The following PSG5 variants were observed in gnomAD, a reference collection of about 807,000 sequenced individuals.
The protein encoded by PSG5 is pregnancy specific beta-1-glycoprotein 5, also known as pregnancy-specific beta-1-glycoprotein 5.
PSG5 carries 53 observed loss-of-function variants against 37.7 expected under a neutral mutation model. That is an observed-to-expected ratio of 1.41 (90% confidence interval 1.13 to 1.77). The LOEUF (loss-of-function observed/expected upper bound fraction) is 1.77. PSG5 is among the 40% of genes most tolerant of loss of function. The pLI, the probability that PSG5 is intolerant of heterozygous loss-of-function variation, is 0.00. For missense variants in PSG5, 547 were observed against 405.2 expected, an observed-to-expected ratio of 1.35 and a Z score of -3.00; for synonymous variants, 221 against 155.4, an observed-to-expected ratio of 1.42 and a Z score of -3.14.
chr19:43,179,075 A>T (rs752002777), intron 2 of PSG5: 7 of 1,612,000 alleles, frequency 4.3e-6, no homozygotes, highest in Non-Finnish European at 5.9e-6. Flanking sequence ...CTGAAGCCGC[A>T]GGATCACAGG....
At chr19:43,173,117 A>G (rs1193328555) in intron 4 of PSG5, among the ~76,000 whole-genome samples, 1 of 151,706 alleles carries the variant, frequency 6.6e-6, no homozygotes, top group African/African-American at 2.4e-5. Context: ...AGATCATTCA[A>G]TGGGGAACGG....
At position 43,175,916 on chromosome 19, in the gene PSG5, G is replaced by C; in HGVS notation, c.663C>G (p.Asp221Glu). 6.2e-7 allele frequency: 1 copy of C among 1,612,442 alleles called. No homozygotes were observed. The highest frequency in any genetic ancestry group is 8.5e-7 in the Non-Finnish European group (1 of 1,179,168). The change falls in exon 3 of 6, where the codon GAC becomes GAG. Residue 221 changes from aspartate (D) to glutamate (E), a missense_variant. Physicochemically the swap from Asp to Glu is conservative, Grantham distance 45. Coordinates refer to ENST00000342951, the MANE Select transcript of PSG5 (RefSeq NM_002781.4). The stretch of plus-strand genomic sequence containing the variant: ...GGTCACTGCGCATGCCACCATCTCG[G>C]TCCCGTATTTCACATTCATAGGGTC... ...ETGPYECEIR[D>E]RDGGMRSDPV...
In PSG5 at chr19:43,178,914, G is replaced by C. The variant is rs766337197; in HGVS notation, c.431-2766C>G. The C allele has an allele frequency of 3.1e-6, 5 of 1,612,882 alleles. No homozygotes were observed. In the South Asian group the frequency reaches 5.5e-5, roughly 18 times the overall value. ...CAGGGTGACTGGGTCACTGTGGCTG[G>C]CACTCACTGGGTTCCGTATTTCACA... On this transcript the variant is annotated intron_variant, in intron 2 of 5. Transcript: ENST00000342951.
chr19:43,172,568 G>A (rs1968927907), intron 4 of PSG5, among the ~76,000 whole-genome samples: 2 of 151,582 alleles, frequency 1.3e-5, no homozygotes, highest in African/African-American at 4.9e-5. Flanking sequence ...AACATCAGTT[G>A]TATTTCAATA....
intron 2 of PSG5, among the ~76,000 whole-genome samples, chr19:43,182,439 T>C (rs550433334): frequency 6.6e-6 from 1 of 151,686 alleles, no homozygotes; most frequent in African/African-American, 2.4e-5. Flanking sequence ...TTCATACCTA[T>C]GACTAATGGC....
rs529432097 is a variant in PSG5, at chr19:43,174,849, G to T, written c.964+366C>A. 190 of 1,165,350 alleles carry T rather than the reference G, an allele frequency of 1.6e-4. 1 individual carries two copies. Among genetic ancestry groups the T allele is most frequent in the Non-Finnish European group, 2.0e-4 (179 of 877,970 alleles). 72.2% of individuals were successfully genotyped at this position (1,165,350 alleles called of 1,614,324 possible). Reference sequence around the variant, plus strand: ...CCTCAGATGTTCCTTGTAGCTCATGGAATAGGTACAAGGAAACAAAGACAT... The same window carrying T: ...CCTCAGATGTTCCTTGTAGCTCATGTAATAGGTACAAGGAAACAAAGACAT... On this transcript the variant is annotated intron_variant, in intron 4 of 5. Coordinates refer to ENST00000342951, the MANE Select transcript of PSG5 (RefSeq NM_002781.4).
chr19:43,169,781 T>C (rs1012619986), intron 5 of PSG5, among the ~76,000 whole-genome samples: 6 of 151,518 alleles, frequency 4.0e-5, no homozygotes, highest in South Asian at 4.1e-4. Context: ...TTAAAAATAA[T>C]GAAGAGGGTT....
rs1486900886 is a variant in PSG5, at chr19:43,175,982, G to A, written c.597C>T (p.Asn199=). Residue 199 remains asparagine (N), a synonymous_variant, in exon 3 of 6, where the codon AAC becomes AAT. Transcript: ENST00000342951. ...TGACACTGGGTAGAATGAGGATCCT[G>A]TTTTCAATGGGTCGCTTTACCCTGG... The part of the protein sequence containing the change: ...VSPRVKRPIE[N]RILILPSVTR... The A allele has an allele frequency of 1.2e-6, 2 of 1,611,790 alleles. No individual in the cohort carries two copies. The highest frequency in any genetic ancestry group is 1.1e-5 in the South Asian group (1 of 91,018).
At chr19:43,174,571 C>T in intron 4 of PSG5, 3 of 934,656 alleles carry the variant, frequency 3.2e-6, no homozygotes, top group Non-Finnish European at 3.8e-6. Context: ...CCTGAGGCTC[C>T]CTCTCTTCTT....
chr19:43,168,980 T>C (rs1968846346), intron 5 of PSG5, among the ~76,000 whole-genome samples: 1 of 151,654 alleles, frequency 6.6e-6, no homozygotes, highest in Admixed American at 6.6e-5. Context: ...CCTTGTTACA[T>C]GTTAGTAGTG....
intron 2 of PSG5, among the ~76,000 whole-genome samples, chr19:43,182,762 T>A (rs1448201587): frequency 7.2e-6 from 1 of 139,764 alleles, no homozygotes; most frequent in Admixed American, 7.4e-5. Flanking sequence ...CAATTATGAA[T>A]GGATGGAGGA....
At chr19:43,175,716 C>G in intron 3 of PSG5, 154 bp downstream of exon 3, 2 of 1,466,414 alleles carry the variant, frequency 1.4e-6, no homozygotes, top group Non-Finnish European at 9.2e-7. Flanking sequence ...GCTGTGCCTA[C>G]CTAGGTTTTC....
chr19:43,169,287 G>T (rs1269023552), intron 5 of PSG5, among the ~76,000 whole-genome samples: 4 of 151,586 alleles, frequency 2.6e-5, no homozygotes, highest in South Asian at 4.1e-4. Flanking sequence ...ATCAGGAAAA[G>T]ATCTCAACCA....
rs183115029 is a variant in PSG5 at position 43,179,117 on chromosome 19, G to A, written c.431-2969C>T. 8.3e-5 allele frequency: 134 copies of A among 1,604,998 alleles called. 2 individuals carry two copies. The highest frequency in any genetic ancestry group is 5.8e-4 in the African/African-American group (43 of 74,384). On this transcript the variant is annotated intron_variant, in intron 2 of 5. Transcript: ENST00000342951. ...TCACAGCCTCCATGGCCTCCCTGGG[G>A]TTTAAGTTGCTACTGGAGATGGAGG... is the stretch of plus-strand genomic sequence containing the variant.
In PSG5 at chr19:43,176,366, G is replaced by C. The variant is rs188776967; in HGVS notation, c.431-218C>G. 2.6e-5 allele frequency among the ~76,000 whole-genome samples: 4 copies of C among 151,742 alleles called. No homozygotes were observed. The East Asian group carries it at 7.7e-4, about 29-fold the overall frequency. On this transcript the variant is annotated intron_variant, in intron 2 of 5. Coordinates refer to ENST00000342951, the MANE Select transcript of PSG5 (RefSeq NM_002781.4). ...TTTAGGGAAGCACAGACTTTCTCAA[G>C]TGTCAATTGAGCAGCAGTGTTGGGT...
chr19:43,169,799 G>A (rs1968865196), intron 5 of PSG5, among the ~76,000 whole-genome samples: 1 of 151,562 alleles, frequency 6.6e-6, no homozygotes, highest in South Asian at 2.1e-4. Flanking sequence ...GTTTCACCAT[G>A]TGAAATTGTG....
At chr19:43,173,932 TACTC>T (rs1365764872) in intron 4 of PSG5, among the ~76,000 whole-genome samples, 3 of 151,612 alleles carry the variant, frequency 2.0e-5, no homozygotes, top group Non-Finnish European at 4.4e-5. Flanking sequence ...AGAGAAGCAT[TACTC>T]ACACTAGCGA....
chr19:43,182,752 C>A (rs1387481770), intron 2 of PSG5, among the ~76,000 whole-genome samples: 2 of 134,398 alleles, frequency 1.5e-5, no homozygotes, highest in Non-Finnish European at 3.1e-5. Context: ...TCTTGCCTGG[C>A]AATTATGAAT....
At chr19:43,183,812 T>C (rs1484488032) in intron 2 of PSG5, among the ~76,000 whole-genome samples, 1 of 151,568 alleles carries the variant, frequency 6.6e-6, no homozygotes, top group African/African-American at 2.4e-5. Context: ...CATGTGACCC[T>C]GATCTCCCCC....
Sources: gnomAD v4.1 joint callset for allele counts (sites outside exome capture counted in the v4.1 genomes callset) on GRCh38, gnomAD v4.1.1 for gene constraint, MANE v1.5 for transcripts, NCBI Gene and HGNC (gene_info 2026-07-23, HGNC 2026-07-21) for gene names.